Variants in KLRG1 observed in about 807,000 individuals in gnomAD.
KLRG1 encodes killer cell lectin like receptor G1.
Under a neutral mutation model 21.8 loss-of-function variants are expected in KLRG1, and 16 were observed. That is an observed-to-expected ratio of 0.73 (90% CI 0.50 to 1.11). The LOEUF is 1.11. KLRG1 is among the 50% of genes most tolerant of loss of function. KLRG1 has a pLI of 0.00. For synonymous variants in KLRG1, 69 were observed against 75.9 expected (o/e 0.91, Z 0.47); for missense variants, 173 against 218.3 (o/e 0.79, Z 1.31).
chr12:9,038,003 A>G, the KLRG1 span, among the ~76,000 whole-genome samples: 1 of 152,214 alleles, frequency 6.6e-6, no homozygotes, highest in Non-Finnish European at 1.5e-5. Flanking sequence ...TCATGCTTGT[A>G]ATCCCAGTGC....
the KLRG1 span, among the ~76,000 whole-genome samples, chr12:9,132,566 C>T: frequency 1.3e-3 from 196 of 152,214 alleles, 1 homozygote; most frequent in East Asian, 4.4e-3. Flanking sequence ...ATATGACACA[C>T]ACATTGGAGA....
At chr12:9,101,775 C>T in the KLRG1 span, 1 of 927,110 alleles carries the variant, frequency 1.1e-6, no homozygotes, top group Non-Finnish European at 1.6e-6. Flanking sequence ...TAACTAGTAG[C>T]TAGAAATCTT....
chr12:9,012,205 G>A (rs1467548711), downstream of KLRG1, among the ~76,000 whole-genome samples: 1 of 152,198 alleles, frequency 6.6e-6, no homozygotes. Flanking sequence ...GCAGCTCTGG[G>A]AGAGACTCCT....
chr12:9,002,814 G>A (rs1295912933), intron 3 of KLRG1, among the ~76,000 whole-genome samples: 1 of 151,710 alleles, frequency 6.6e-6, no homozygotes, highest in African/African-American at 2.4e-5. Context: ...AGATTTTCCT[G>A]CCTTGGCCTC....
chr12:9,178,619 A>T, the KLRG1 span, among the ~76,000 whole-genome samples: 1 of 152,202 alleles, frequency 6.6e-6, no homozygotes, highest in African/African-American at 2.4e-5. Flanking sequence ...AAAGAAAATC[A>T]TGCTTGTTTT....
the KLRG1 span, chr12:9,169,538 G>T: frequency 9.6e-5 from 155 of 1,612,778 alleles, no homozygotes; most frequent in Middle Eastern, 1.6e-4. Flanking sequence ...CCTCCTGCTG[G>T]TCCACATTGT....
the KLRG1 span, among the ~76,000 whole-genome samples, chr12:9,187,905 G>A: frequency 6.6e-6 from 1 of 152,330 alleles, no homozygotes; most frequent in African/African-American, 2.4e-5. Flanking sequence ...TGTGAGCTCC[G>A]TCCCAGGGAA....
chr12:9,181,931 T>C, the KLRG1 span: 2 of 1,594,108 alleles, frequency 1.3e-6, no homozygotes, highest in Admixed American at 1.7e-5. Context: ...GCACCTACAG[T>C]ATCATTTATT....
chr12:9,054,413 A>G, the KLRG1 span, among the ~76,000 whole-genome samples: 4 of 152,174 alleles, frequency 2.6e-5, no homozygotes, highest in South Asian at 8.3e-4. Flanking sequence ...ATGAAAAATA[A>G]TAGTTCATGG....
the KLRG1 span, among the ~76,000 whole-genome samples, chr12:9,130,970 T>A: frequency 1.3e-5 from 2 of 152,216 alleles, no homozygotes; most frequent in Non-Finnish European, 2.9e-5. Flanking sequence ...AAGTTAAATT[T>A]TGTAGATAGT....
the KLRG1 span, among the ~76,000 whole-genome samples, chr12:9,193,513 C>G: frequency 6.6e-6 from 1 of 152,122 alleles, no homozygotes; most frequent in Non-Finnish European, 1.5e-5. Context: ...GAGTGAGTGT[C>G]TATCACATAG....
the KLRG1 span, among the ~76,000 whole-genome samples, chr12:9,087,684 G>A: frequency 6.6e-6 from 1 of 151,968 alleles, no homozygotes; most frequent in Non-Finnish European, 1.5e-5. Context: ...AAGTATTTCA[G>A]GTTAGCTTGA....
At chr12:9,146,918 C>CTCTT in the KLRG1 span, among the ~76,000 whole-genome samples, 149,181 of 152,064 alleles carry the variant, frequency 0.98, 73,258 homozygotes, top group Middle Eastern at 1. Context: ...CAAAGATCAA[C>CTCTT]TCTTTTCCCA....
chr12:9,116,559 A>G, the KLRG1 span, among the ~76,000 whole-genome samples: 9 of 152,124 alleles, frequency 5.9e-5, no homozygotes, highest in African/African-American at 1.9e-4. Flanking sequence ...GTGCCTAACA[A>G]ACTTCCCAAT....
chr12:9,157,957 T>G, the KLRG1 span: 1 of 861,782 alleles, frequency 1.2e-6, no homozygotes. Context: ...TACCATTTCC[T>G]TCTCTCTCTC....
At chr12:9,077,979 T>A in the KLRG1 span, 1 of 1,087,470 alleles carries the variant, frequency 9.2e-7, no homozygotes, top group South Asian at 1.5e-5. Context: ...TTAGAGAGCT[T>A]ATCTCCTTGA....
chr12:9,198,679 C>G, the KLRG1 span, among the ~76,000 whole-genome samples: 1 of 152,138 alleles, frequency 6.6e-6, no homozygotes, highest in African/African-American at 2.4e-5. Context: ...TAATGGGTAA[C>G]AGAATAATAC....
intron 1 of KLRG1, among the ~76,000 whole-genome samples, chr12:8,983,927 A>T (rs2137299796): frequency 6.6e-6 from 1 of 152,156 alleles, no homozygotes; most frequent in Admixed American, 6.5e-5. Context: ...TGAGTTTCTT[A>T]TACCTGTAGG....
At chr12:9,026,061 G>T in the KLRG1 span, among the ~76,000 whole-genome samples, 2 of 152,186 alleles carry the variant, frequency 1.3e-5, no homozygotes, top group Non-Finnish European at 2.9e-5. Context: ...CTGTACTATT[G>T]CACGGTTTTT....
Sources: gnomAD v4.1 joint callset for allele counts (sites outside exome capture counted in the v4.1 genomes callset) on GRCh38, gnomAD v4.1.1 for gene constraint, MANE v1.5 for transcripts, NCBI Gene and HGNC (gene_info 2026-07-23, HGNC 2026-07-21) for gene names.